The following CAPN1 variants were observed in gnomAD, a reference collection of about 807,000 sequenced individuals.
CAPN1 encodes the protein calpain-1 catalytic subunit.
A neutral mutation model predicts 105.2 loss-of-function variants in CAPN1; 77 were observed. The ratio of observed to expected loss-of-function variants is 0.73; its 90% CI spans 0.61 to 0.88. CAPN1 has a LOEUF of 0.88. Among genes scored for constraint, CAPN1 ranks in the 40% least tolerant of loss-of-function variants. CAPN1 has a pLI of 0.00. For synonymous variants in CAPN1, 355 were observed against 388.8 expected (o/e 0.91, Z 1.02); for missense variants, 833 against 976.6 (o/e 0.85, Z 1.96).
At position 65,210,711 on chromosome 11, in the gene CAPN1, TG is replaced by T; in HGVS notation, c.2060-99del. ...CAAGGGGTGTCAGCTTGCGGTACTG[TG>T]GGGAGGTAGAGAGGGACCAGGCAGG... is the stretch of plus-strand genomic sequence containing the variant. On this transcript the variant is annotated intron_variant, in intron 20 of 21. Coordinates refer to ENST00000279247, the MANE Select transcript of CAPN1 (RefSeq NM_005186.4). The surrounding 1 kb of genome is among the most constrained non-coding windows in gnomAD (Gnocchi z 4.3). The T allele has an allele frequency of 1.1e-6, 1 of 934,758 alleles. No individual in the cohort carries two copies. Among genetic ancestry groups the T allele is most frequent in the Non-Finnish European group, 1.8e-6 (1 of 562,972 alleles). The allele number at this position is 934,758 out of a possible 1,614,324, so 57.9% of individuals were successfully genotyped here. A position where few individuals can be genotyped will look rare whatever the true frequency, so the allele number is the denominator to read the frequency against.
In CAPN1 at chr11:65,208,199, C is replaced by A. The variant is rs1439728094; in HGVS notation, c.1672-6C>A. 6.3e-7 allele frequency: 1 copy of A among 1,584,440 alleles called. No homozygotes were observed. Among genetic ancestry groups the A allele is most frequent in the Non-Finnish European group, 8.6e-7 (1 of 1,165,200 alleles). Reference sequence around the variant, plus strand: ...GGGGCAGGTGCCACCTCCTCTCTCTCCCCAGGACATGGAGATCAGCGTGAA... The same window carrying A: ...GGGGCAGGTGCCACCTCCTCTCTCTACCCAGGACATGGAGATCAGCGTGAA... On this transcript the variant is annotated splice_region_variant and splice_polypyrimidine_tract_variant and intron_variant, in intron 15 of 21. Transcript: ENST00000279247. This position sits in a 1 kb window ranked among gnomAD's most constrained non-coding sequence, Gnocchi z 4.1.
At chr11:65,207,256 A>G (rs975229345) in intron 14 of CAPN1, among the ~76,000 whole-genome samples, 2 of 147,562 alleles carry the variant, frequency 1.4e-5, no homozygotes, top group Admixed American at 6.8e-5. Context: ...CTGGAGTGCA[A>G]TGGCGTGATC....
rs1226962154 is a variant in CAPN1 at position 65,181,993 on chromosome 11, C to T, written c.-22C>T. On this transcript the variant is annotated 5_prime_UTR_variant, in exon 1 of 22. Transcript: ENST00000279247. This position sits in a 1 kb window ranked among gnomAD's most constrained non-coding sequence, Gnocchi z 4.6. ...AGCCAGCCTCAGGGACTGCAGCGAC[C>T]CCCAAACACCCCTCCCCCAGGTAAG... is the stretch of plus-strand genomic sequence containing the variant. 6.3e-6 allele frequency: 1 copy of T among 158,674 alleles called. No individual in the cohort carries two copies. The highest frequency in any genetic ancestry group is 1.9e-4 in the East Asian group (1 of 5,244). 9.8% of individuals were successfully genotyped at this position (158,674 alleles called of 1,614,324 possible). A position where few individuals can be genotyped will look rare whatever the true frequency, so the allele number is the denominator to read the frequency against.
At position 65,188,165 on chromosome 11, in the gene CAPN1, G is replaced by C; in HGVS notation, c.929+125G>C. On this transcript the variant is annotated intron_variant, in intron 8 of 21. Coordinates refer to ENST00000279247, the MANE Select transcript of CAPN1 (RefSeq NM_005186.4). This position sits in a 1 kb window ranked among gnomAD's most constrained non-coding sequence, Gnocchi z 5.5. ...TGAGCAGAGGGGCCCATCTTCGCGC[G>C]ACTGGGTCTGGGGGACTGCTCTGAC... 1 of 753,070 alleles carries C rather than the reference G, an allele frequency of 1.3e-6. No homozygotes were observed. The allele number at this position is 753,070 out of a possible 1,614,324, so 46.6% of individuals were successfully genotyped here.
At chr11:65,183,936 G>C (rs1373230174) in intron 4 of CAPN1, among the ~76,000 whole-genome samples, 1 of 152,180 alleles carries the variant, frequency 6.6e-6, no homozygotes, top group Non-Finnish European at 1.5e-5. Context: ...AAACAGATCA[G>C]CACGTGTGGC....
chr11:65,187,370 C>T, intron 7 of CAPN1, 72 bp downstream of exon 7: 1 of 1,009,990 alleles, frequency 9.9e-7, no homozygotes. Context: ...TCTCTGGCAC[C>T]TGACCAGGGC....
At chr11:65,183,252 CCCGCT>C in intron 3 of CAPN1, 55 bp downstream of exon 3, 7 of 1,513,496 alleles carry the variant, frequency 4.6e-6, no homozygotes, top group Non-Finnish European at 6.4e-6. Flanking sequence ...GTTCCCCATT[CCCGCT>C]CCTTCAGGCT....
intron 10 of CAPN1, among the ~76,000 whole-genome samples, chr11:65,193,473 G>A (rs1478376023): frequency 7.9e-5 from 12 of 151,050 alleles, no homozygotes; most frequent in Admixed American, 2.0e-4. Flanking sequence ...GTGAAACCCC[G>A]TCTCTACTAA....
chr11:65,202,459 T>C (rs1948885930), intron 10 of CAPN1, among the ~76,000 whole-genome samples: 1 of 152,198 alleles, frequency 6.6e-6, no homozygotes, highest in African/African-American at 2.4e-5. Context: ...TGTTTGTTTA[T>C]TGAGATGGAG....
intron 12 of CAPN1, 160 bp from the exon 13 acceptor site, chr11:65,206,303 C>T: frequency 1.6e-6 from 1 of 621,028 alleles, no homozygotes; most frequent in East Asian, 2.7e-5. Context: ...GAAACTGAGG[C>T]AAAATGTCTT....
In CAPN1 at chr11:65,183,577, C is replaced by G. The variant is rs1477723117; in HGVS notation, c.441C>G (p.Gly147=). 6.2e-7 allele frequency: 1 copy of G among 1,612,600 alleles called. No individual in the cohort carries two copies. The highest frequency in any genetic ancestry group is 8.5e-7 in the Non-Finnish European group (1 of 1,178,626). Residue 147 remains glycine, a synonymous_variant, in exon 4 of 22, where the codon GGC becomes GGG. Transcript: ENST00000279247. ...HGQSFQNGYA[G]IFHFQLWQFG... Reference sequence around the variant, plus strand: ...AGAGCTTCCAGAATGGCTATGCCGGCATCTTCCATTTCCAGGTGAGGGCTC... The same window carrying G: ...AGAGCTTCCAGAATGGCTATGCCGGGATCTTCCATTTCCAGGTGAGGGCTC...
rs1948566505 is a variant in CAPN1, at chr11:65,182,971, G to A, written c.267+3G>A. The A allele has an allele frequency of 6.2e-7, 1 of 1,613,392 alleles. No individual in the cohort carries two copies. The highest frequency in any genetic ancestry group is 8.5e-7 in the Non-Finnish European group (1 of 1,179,690). On this transcript the variant is annotated splice_donor_region_variant and intron_variant, in intron 2 of 21. Transcript: ENST00000279247. ...GCATCAAGTGGAAGCGTCCCACGGT[G>A]AGAGGGGCCATCCTGGGTGGGACTC...
upstream of CAPN1, chr11:65,181,677 A>T (rs1400984968): frequency 8.4e-5 from 19 of 226,256 alleles, no homozygotes; most frequent in African/African-American, 5.1e-4. This position sits in a 1 kb window ranked among gnomAD's most constrained non-coding sequence, Gnocchi z 4.6. Flanking sequence ...CAGCCCCCCC[A>T]TCCCCCCCCG....
At position 65,208,195 on chromosome 11, in the gene CAPN1, C is replaced by T. The variant is rs1304037518; in HGVS notation, c.1672-10C>T. ...TCCTGGGGCAGGTGCCACCTCCTCT[C>T]TCTCCCCAGGACATGGAGATCAGCG... is the stretch of plus-strand genomic sequence containing the variant. On this transcript the variant is annotated splice_polypyrimidine_tract_variant and intron_variant, in intron 15 of 21. Coordinates refer to ENST00000279247, the MANE Select transcript of CAPN1 (RefSeq NM_005186.4). This position sits in a 1 kb window ranked among gnomAD's most constrained non-coding sequence, Gnocchi z 4.1. 3.2e-6 allele frequency: 5 copies of T among 1,584,324 alleles called. No individual in the cohort carries two copies. In the Admixed American group the frequency reaches 9.1e-5, roughly 29 times the overall value.
At position 65,211,268 on chromosome 11, in the gene CAPN1, G is replaced by C; in HGVS notation, c.2127G>C (p.Gln709His). 1 of 1,612,746 alleles carries C rather than the reference G, an allele frequency of 6.2e-7. No individual in the cohort carries two copies. Among genetic ancestry groups the C allele is most frequent in the Non-Finnish European group, 8.5e-7 (1 of 1,179,794 alleles). The change falls in exon 22 of 22, where the codon CAG becomes CAC. Residue 709 changes from glutamine to histidine, a missense_variant. By Grantham distance (24) the Gln-to-His change is conservative. Coordinates refer to ENST00000279247, the MANE Select transcript of CAPN1 (RefSeq NM_005186.4). ...VVTFDLFKWL[Q>H]LTMFA ...TGCCTGTTCTCCCGCAGTGGTTGCA[G>C]CTGACCATGTTTGCATGAGGCAGGG...
At chr11:65,190,782 G>A (rs1300389769) in intron 10 of CAPN1, among the ~76,000 whole-genome samples, 1 of 151,364 alleles carries the variant, frequency 6.6e-6, no homozygotes, top group Non-Finnish European at 1.5e-5. Context: ...GCGCGATCTC[G>A]GCTCACTGCA....
chr11:65,199,664 C>T (rs1356176142), intron 10 of CAPN1, among the ~76,000 whole-genome samples: 1 of 152,186 alleles, frequency 6.6e-6, no homozygotes, highest in African/African-American at 2.4e-5. Context: ...GCTCCTTTCT[C>T]AGTTCACTAA....
At chr11:65,205,951 C>T in intron 12 of CAPN1, 1 of 580,846 alleles carries the variant, frequency 1.7e-6, no homozygotes. Flanking sequence ...TCCTCAGAGC[C>T]CCTGTCTGAC....
At chr11:65,193,424 A>C (rs1369293365) in intron 10 of CAPN1, among the ~76,000 whole-genome samples, 1 of 151,856 alleles carries the variant, frequency 6.6e-6, no homozygotes, top group African/African-American at 2.4e-5. Flanking sequence ...ACTTTTGGCC[A>C]GCTGCACTCA....
Sources: gnomAD v4.1 joint callset for allele counts (sites outside exome capture counted in the v4.1 genomes callset) on GRCh38, gnomAD v4.1.1 for gene constraint, Gnocchi (gnomAD v3.1) non-coding constraint, MANE v1.5 for transcripts, NCBI Gene and HGNC (gene_info 2026-07-23, HGNC 2026-07-21) for gene names.